Variants in AATK observed in about 807,000 individuals in gnomAD.
AATK encodes the protein serine/threonine-protein kinase LMTK1.
Under a neutral mutation model 114.3 loss-of-function variants are expected in AATK, and 91 were observed. That is an observed-to-expected ratio of 0.80 (90% confidence interval 0.67 to 0.95). The LOEUF (loss-of-function observed/expected upper bound fraction) is 0.95. Ranked by LOEUF, AATK falls within the 40% of genes least tolerant of loss-of-function variation. The probability of loss-of-function intolerance (pLI) is 0.00; values close to 1 mark genes in which losing one functional copy is unlikely to be tolerated. For missense variants in AATK, 2,176 were observed against 1,965.2 expected (o/e 1.11, Z -2.03); for synonymous variants, 1,075 against 916.5 (o/e 1.17, Z -3.12).
chr17:81,130,476 C>A (rs2060912626), intron 3 of AATK, among the ~76,000 whole-genome samples: 1 of 152,194 alleles, frequency 6.6e-6, no homozygotes, highest in African/African-American at 2.4e-5. Context: ...CCTGCCTGCA[C>A]CTGCACTCCT....
At chr17:81,143,651 C>T (rs548178917) in intron 1 of AATK, among the ~76,000 whole-genome samples, 14 of 152,306 alleles carry the variant, frequency 9.2e-5, no homozygotes, top group South Asian at 2.1e-4. Flanking sequence ...CTCCTCAGCA[C>T]GTCGCCCCAC....
At position 81,166,090 on chromosome 17, in the gene AATK, G is replaced by T; in HGVS notation, c.-98C>A. 1.3e-6 allele frequency: 1 copy of T among 777,064 alleles called. No homozygotes were observed. The allele number at this position is 777,064 out of a possible 1,614,324, so 48.1% of individuals were successfully genotyped here. On this transcript the variant is annotated 5_prime_UTR_variant, in exon 1 of 14. It adds an upstream start codon to the 5' untranslated region. Coordinates refer to ENST00000326724, the MANE Select transcript of AATK (RefSeq NM_001080395.3). Reference sequence around the variant, plus strand: ...GCCGCATCACCCAGCGGCCGCCGCAGGTGCGGAGCGCGCCGGCCCCCGCGC... The same window carrying T: ...GCCGCATCACCCAGCGGCCGCCGCATGTGCGGAGCGCGCCGGCCCCCGCGC...
chr17:81,148,064 C>CAAAA (rs35731140), intron 1 of AATK, among the ~76,000 whole-genome samples: 17 of 101,798 alleles, frequency 1.7e-4, no homozygotes, highest in African/African-American at 4.7e-4. Flanking sequence ...ACAACTTTGT[C>CAAAA]AAAAAAAAAA....
At position 81,121,340 on chromosome 17, in the gene AATK, C is replaced by T. The variant is rs1426195050; in HGVS notation, c.2596G>A (p.Ala866Thr). The change falls in exon 11 of 14, where the codon GCC becomes ACC. Residue 866 changes from alanine to threonine, a missense_variant. Around this residue, in one of 4 missense-constraint regions of AATK, gnomAD observed 1,701 missense variants for 1,394.7 expected, o/e 1.22. Transcript: ENST00000326724. Reference sequence around the variant, plus strand: ...GTGTCGGTGAAGATGCCTGAGGTGGCCTCGGCCGTGTCCTCATCCTCACTG... The same window carrying T: ...GTGTCGGTGAAGATGCCTGAGGTGGTCTCGGCCGTGTCCTCATCCTCACTG... Reference protein sequence around the residue: ...PSSEDEDTAEATSGIFTDTSS... With the variant: ...PSSEDEDTAETTSGIFTDTSS... The T allele has an allele frequency of 1.2e-6, 2 of 1,612,066 alleles. No individual in the cohort carries two copies. The highest frequency in any genetic ancestry group is 4.5e-5 in the East Asian group (2 of 44,876).
At chr17:81,125,454 G>T in intron 7 of AATK, 1 of 394,764 alleles carries the variant, frequency 2.5e-6, no homozygotes, top group Non-Finnish European at 5.3e-6. Context: ...GCCGGCTGCC[G>T]GAGTCCAGTT....
At chr17:81,131,947 G>A in intron 2 of AATK, 1 of 1,341,508 alleles carries the variant, frequency 7.5e-7, no homozygotes, top group Non-Finnish European at 9.9e-7. Flanking sequence ...TCACCTGGTG[G>A]CCACACCACC....
chr17:81,118,273 G>T lies in AATK; in HGVS notation c.*129C>A. On this transcript the variant is annotated 3_prime_UTR_variant, in exon 14 of 14. Coordinates refer to ENST00000326724, the MANE Select transcript of AATK (RefSeq NM_001080395.3). Reference sequence around the variant, plus strand: ...GGGCTTCTCCAGGACACCGCGTGGGGCAGAGGCACCTGAATCTGCTGCCAA... The same window carrying T: ...GGGCTTCTCCAGGACACCGCGTGGGTCAGAGGCACCTGAATCTGCTGCCAA... The T allele has an allele frequency of 1.1e-6, 1 of 939,200 alleles. No individual in the cohort carries two copies. Among genetic ancestry groups the T allele is most frequent in the South Asian group, 1.6e-5 (1 of 63,566 alleles). The allele number at this position is 939,200 out of a possible 1,614,324, so 58.2% of individuals were successfully genotyped here. A position where few individuals can be genotyped will look rare whatever the true frequency, so the allele number is the denominator to read the frequency against.
intron 1 of AATK, among the ~76,000 whole-genome samples, chr17:81,141,798 G>A (rs906125623): frequency 3.3e-5 from 5 of 152,254 alleles, no homozygotes; most frequent in Admixed American, 1.3e-4. Context: ...GTGGCTGGAC[G>A]CGCTGGGGGC....
chr17:81,118,215 G>A lies in AATK; in HGVS notation c.*187C>T, dbSNP rs566502035. The stretch of plus-strand genomic sequence containing the variant: ...GAATTCTGCCTCTGGGGCGGAGCAT[G>A]GCCGATCTACCATCCAGGGCCTCTC... On this transcript the variant is annotated 3_prime_UTR_variant, in exon 14 of 14. Coordinates refer to ENST00000326724, the MANE Select transcript of AATK (RefSeq NM_001080395.3). 298 of 611,994 alleles carry A rather than the reference G, an allele frequency of 4.9e-4. 1 individual carries two copies. Among genetic ancestry groups the A allele is most frequent in the Non-Finnish European group, 7.4e-4 (260 of 349,318 alleles). The allele number at this position is 611,994 out of a possible 1,614,324, so 37.9% of individuals were successfully genotyped here.
At chr17:81,131,832 G>A (rs1199067972) in intron 2 of AATK, 20 of 1,294,648 alleles carry the variant, frequency 1.5e-5, no homozygotes, top group Admixed American at 1.4e-4. Context: ...CACCCCTGCC[G>A]GGACAAGGAG....
Position 81,126,624 on chromosome 17 carries a change from C to T in AATK, c.622-64G>A. The T allele has an allele frequency of 1.3e-6, 2 of 1,501,408 alleles. No individual in the cohort carries two copies. The highest frequency in any genetic ancestry group is 8.9e-7 in the Non-Finnish European group (1 of 1,117,572). The allele number at this position is 1,501,408 out of a possible 1,614,324, so 93.0% of individuals were successfully genotyped here. On this transcript the variant is annotated intron_variant, in intron 6 of 13. Transcript: ENST00000326724. This position sits in a 1 kb window ranked among gnomAD's most constrained non-coding sequence, Gnocchi z 5.1. Reference sequence around the variant, plus strand: ...GGGGCTGGCCACCCTGGGAGGTCCCCACCTACCTCCCCAACTCCTCCACCC... The same window carrying T: ...GGGGCTGGCCACCCTGGGAGGTCCCTACCTACCTCCCCAACTCCTCCACCC...
chr17:81,120,958 C>G lies in AATK; in HGVS notation c.2978G>C (p.Arg993Pro). The G allele has an allele frequency of 1.9e-6, 3 of 1,609,418 alleles. No individual in the cohort carries two copies. The highest frequency in any genetic ancestry group is 2.5e-6 in the Non-Finnish European group (3 of 1,178,562). The change falls in exon 11 of 14, where the codon CGA becomes CCA. Residue 993 changes from arginine to proline, a missense_variant. This residue lies in a region of AATK where 1,701 missense variants were observed against 1,394.7 expected (regional missense o/e 1.22). Transcript: ENST00000326724. The stretch of plus-strand genomic sequence containing the variant: ...GAGGTCTGAGAAGTAGGCAGAGTCT[C>G]GGTAGGGATTCTTCTCGTTGAGGCC... ...LSGLNEKNPY[R>P]DSAYFSDLEA...
intron 1 of AATK, among the ~76,000 whole-genome samples, 193 bp from the exon 2 acceptor site, chr17:81,134,694 G>A (rs2060984127): frequency 6.6e-6 from 1 of 152,230 alleles, no homozygotes; most frequent in Non-Finnish European, 1.5e-5. Flanking sequence ...CCTGCAGCCA[G>A]CCACTGGACA....
intron 12 of AATK, 32 bp downstream of exon 12, chr17:81,119,904 G>C (rs1331685088): frequency 7.1e-7 from 1 of 1,403,576 alleles, no homozygotes; most frequent in African/African-American, 1.5e-5. Flanking sequence ...TGCCTCCCGT[G>C]ACGTCACGGG....
rs144340513 is a variant in AATK at position 81,137,480 on chromosome 17, C to T, written c.56-2979G>A. ...TCTCGGCCACCCTGGCACCCACAGC[C>T]GAGTGCACCCACCGCCGCCTCTGCA... On this transcript the variant is annotated intron_variant, in intron 1 of 13. Coordinates refer to ENST00000326724, the MANE Select transcript of AATK (RefSeq NM_001080395.3). Among the ~76,000 whole-genome samples, 247 of 152,160 alleles carry T rather than the reference C, an allele frequency of 1.6e-3. 5 individuals are homozygous for T. Among genetic ancestry groups the T allele is most frequent in the Middle Eastern group, 0.01 (3 of 294 alleles).
In AATK at chr17:81,118,317, C is replaced by A; in HGVS notation, c.*85G>T. ...CTGCCAACAGCCACCAGGACGTGGT[C>A]CCCACCTTCTCGGTCACCATCCTCG... On this transcript the variant is annotated 3_prime_UTR_variant, in exon 14 of 14. Coordinates refer to ENST00000326724, the MANE Select transcript of AATK (RefSeq NM_001080395.3). 1 of 1,427,336 alleles carries A rather than the reference C, an allele frequency of 7.0e-7. No individual in the cohort carries two copies. Among genetic ancestry groups the A allele is most frequent in the South Asian group, 1.3e-5 (1 of 79,380 alleles). 88.4% of individuals were successfully genotyped at this position (1,427,336 alleles called of 1,614,324 possible).
In AATK at chr17:81,120,209, A is replaced by C. The variant is rs760158729; in HGVS notation, c.3727T>G (p.Phe1243Val). The C allele has an allele frequency of 1.3e-6, 2 of 1,572,080 alleles. No homozygotes were observed. Among genetic ancestry groups the C allele is most frequent in the African/African-American group, 1.4e-5 (1 of 73,936 alleles). ...GGGTGGCGGCGGCCCACCTGGTCAA[A>C]GAGGTAGACGGTGACGTCGTCGAAG... Reference protein sequence around the residue: ...SFFDDVTVYLFDQESPTRELG... With the variant: ...SFFDDVTVYLVDQESPTRELG... The change falls in exon 11 of 14, where the codon TTT (phenylalanine) becomes GTT (valine). Residue 1243 changes from phenylalanine to valine, a missense_variant. Coordinates refer to ENST00000326724, the MANE Select transcript of AATK (RefSeq NM_001080395.3).
chr17:81,136,519 A>G (rs1012235778), intron 1 of AATK, among the ~76,000 whole-genome samples: 2 of 151,132 alleles, frequency 1.3e-5, no homozygotes, highest in East Asian at 3.9e-4. Context: ...CACCTCAGCT[A>G]CCCTGGGCTC....
intron 1 of AATK, among the ~76,000 whole-genome samples, chr17:81,137,316 C>T (rs549271304): frequency 6.6e-6 from 1 of 152,134 alleles, no homozygotes. Context: ...ACACTGGGTC[C>T]CGTGGAAGCG....
Sources: allele counts gnomAD v4.1 joint callset (sites outside exome capture counted in the v4.1 genomes callset), GRCh38; gene constraint gnomAD v4.1.1; regional missense constraint gnomAD v4.1.1; non-coding constraint Gnocchi (gnomAD v3.1); transcripts MANE v1.5; gene names NCBI Gene and HGNC (gene_info 2026-07-23, HGNC 2026-07-21).